RPTOR: variants seen among roughly 807,000 people sequenced by gnomAD.
RPTOR encodes regulatory-associated protein of mTOR.
In RPTOR, 21 loss-of-function variants were observed where a neutral mutation model predicts 169.9. The observed-to-expected ratio is 0.12, with a 90% CI of 0.09 to 0.18. The LOEUF (loss-of-function observed/expected upper bound fraction) is 0.18. Among genes scored for constraint, RPTOR ranks in the 10% least tolerant of loss-of-function variants. The pLI is 1.00. For missense variants in RPTOR, 1,133 were observed against 1,855.9 expected, an observed-to-expected ratio of 0.61 and a Z score of 7.16; for synonymous variants, 732 against 753.2, an observed-to-expected ratio of 0.97 and a Z score of 0.46.
chr17:80,883,983 C>CG lies in RPTOR; in HGVS notation c.1842+16dup. On this transcript the variant is annotated intron_variant, in intron 16 of 33. Transcript: ENST00000306801. ...GACCCCATTCCCGAGGTGAGTCAGG[C>CG]GGGGGCTCAGAGTCCAGTCCTCCTG... The CG allele has an allele frequency of 6.2e-7, 1 of 1,602,700 alleles. No individual in the cohort carries two copies. Among genetic ancestry groups the CG allele is most frequent in the Non-Finnish European group, 8.5e-7 (1 of 1,173,018 alleles).
chr17:80,694,837 A>G (rs1473330269), intron 3 of RPTOR, among the ~76,000 whole-genome samples: 2 of 152,150 alleles, frequency 1.3e-5, no homozygotes, highest in African/African-American at 4.8e-5. Context: ...TCTGGCACTC[A>G]TGGGCATGTT....
intron 24 of RPTOR, among the ~76,000 whole-genome samples, 154 bp downstream of exon 24, chr17:80,925,634 A>G (rs2068803106): frequency 6.6e-6 from 1 of 152,206 alleles, no homozygotes; most frequent in Non-Finnish European, 1.5e-5. Context: ...CGCAGAAGAA[A>G]CAAACTTCAC....
intron 2 of RPTOR, among the ~76,000 whole-genome samples, chr17:80,629,501 A>G (rs77779392): frequency 0.13 from 4,065 of 32,390 alleles, no homozygotes; most frequent in Middle Eastern, 0.22. Flanking sequence ...TTGTACCACA[A>G]CTCTTCTGTG....
At chr17:80,688,449 G>C (rs1296767612) in intron 3 of RPTOR, among the ~76,000 whole-genome samples, 1 of 152,188 alleles carries the variant, frequency 6.6e-6, no homozygotes, top group Non-Finnish European at 1.5e-5. Flanking sequence ...GAAGGTAAAT[G>C]GTTCAGTATT....
At chr17:80,719,827 G>A (rs1598254170) in intron 4 of RPTOR, among the ~76,000 whole-genome samples, 1 of 152,134 alleles carries the variant, frequency 6.6e-6, no homozygotes, top group South Asian at 2.1e-4. Context: ...GTCATTGGTG[G>A]TGGTGTTTTT....
Position 80,634,659 on chromosome 17 carries a change from C to CTG in RPTOR, c.265+8875_265+8876dup, listed in dbSNP as rs755746244. Among the ~76,000 whole-genome samples, 95 of 86,032 alleles carry CTG rather than the reference C, an allele frequency of 1.1e-3. 4 individuals carry two copies. The highest frequency in any genetic ancestry group is 1.9e-3 in the Non-Finnish European group (84 of 43,372). 56.4% of individuals were successfully genotyped at this position (86,032 alleles called of 152,430 possible). On this transcript the variant is annotated intron_variant, in intron 2 of 33. Transcript: ENST00000306801. Reference sequence around the variant, plus strand: ...TGTGTGTGCATACTGTATGTGCGTACTGTGTGTGTGCGTACTGTGTGTGCG... The same window carrying CTG: ...TGTGTGTGCATACTGTATGTGCGTACTGTGTGTGTGTGCGTACTGTGTGTGCG...
chr17:80,854,159 CA>C, intron 11 of RPTOR, among the ~76,000 whole-genome samples: 1 of 152,310 alleles, frequency 6.6e-6, no homozygotes, highest in Non-Finnish European at 1.5e-5. Context: ...CATCAACCTG[CA>C]AAATGTACTC....
At chr17:80,866,706 A>C (rs946995004) in intron 13 of RPTOR, among the ~76,000 whole-genome samples, 2 of 152,124 alleles carry the variant, frequency 1.3e-5, no homozygotes, top group African/African-American at 4.8e-5. Context: ...AATGACACAT[A>C]CCACTCACTG....
intron 29 of RPTOR, among the ~76,000 whole-genome samples, chr17:80,958,520 T>C (rs928728744): frequency 1.3e-5 from 2 of 150,202 alleles, no homozygotes; most frequent in South Asian, 2.1e-4. Context: ...ATGCCATTCT[T>C]CTGCCTCAGC....
intron 12 of RPTOR, among the ~76,000 whole-genome samples, chr17:80,856,876 G>A (rs769620518): frequency 3.3e-5 from 5 of 152,170 alleles, no homozygotes; most frequent in Non-Finnish European, 7.3e-5. Flanking sequence ...GGATAAACGA[G>A]GTATTTTTAC....
At chr17:80,628,121 A>T (rs1440270571) in intron 2 of RPTOR, among the ~76,000 whole-genome samples, 1 of 152,192 alleles carries the variant, frequency 6.6e-6, no homozygotes, top group African/African-American at 2.4e-5. Context: ...TACAGGCATG[A>T]GCCACCGTGC....
chr17:80,625,589 G>C (rs2065386966), intron 1 of RPTOR, 102 bp from the exon 2 acceptor site: 1 of 885,828 alleles, frequency 1.1e-6, no homozygotes, highest in Non-Finnish European at 1.8e-6. Context: ...AGGTGGGTAG[G>C]GAAGGGGCTC....
intron 2 of RPTOR, among the ~76,000 whole-genome samples, chr17:80,642,612 G>A (rs2065562873): frequency 6.6e-6 from 1 of 152,188 alleles, no homozygotes; most frequent in African/African-American, 2.4e-5. Context: ...CACTCAAGGT[G>A]CAGCAAACAG....
chr17:80,754,242 CCCCAACCCAT>C lies in RPTOR; in HGVS notation c.830+58_830+67del. On this transcript the variant is annotated intron_variant, in intron 6 of 33. Coordinates refer to ENST00000306801, the MANE Select transcript of RPTOR (RefSeq NM_020761.3). This position sits in a 1 kb window ranked among gnomAD's most constrained non-coding sequence, Gnocchi z 4.2. ...ACTCAACTGGGCTCTCCCGCAGGGA[CCCCAACCCAT>C]GTGGGCCCCAGGCATTCACCTGGTC... The C allele has an allele frequency of 6.7e-7, 1 of 1,494,146 alleles. No homozygotes were observed. The allele number at this position is 1,494,146 out of a possible 1,614,324, so 92.6% of individuals were successfully genotyped here.
At chr17:80,805,618 T>C (rs1598318029) in intron 7 of RPTOR, 1 of 152,170 alleles carries the variant, frequency 6.6e-6, no homozygotes, top group East Asian at 1.9e-4. Flanking sequence ...GCAGAAGTGC[T>C]TCAAAAATAA....
At chr17:80,952,488 G>A (rs893886503) in intron 28 of RPTOR, among the ~76,000 whole-genome samples, 3 of 152,148 alleles carry the variant, frequency 2.0e-5, no homozygotes, top group African/African-American at 7.2e-5. Context: ...CGTGACCTCC[G>A]CTTGCCCCAG....
intron 11 of RPTOR, among the ~76,000 whole-genome samples, chr17:80,854,233 A>G (rs1049406995): frequency 6.6e-6 from 1 of 152,216 alleles, no homozygotes; most frequent in African/African-American, 2.4e-5. Flanking sequence ...TTGGCTAATA[A>G]TAGTGTAATA....
At chr17:80,877,295 C>T (rs1451658262) in intron 13 of RPTOR, among the ~76,000 whole-genome samples, 9 of 152,070 alleles carry the variant, frequency 5.9e-5, no homozygotes. Context: ...AGGGTGGGGG[C>T]GGTTTGAGTT....
At chr17:80,576,381 T>C (rs2064963485) in intron 1 of RPTOR, among the ~76,000 whole-genome samples, 2 of 152,236 alleles carry the variant, frequency 1.3e-5, no homozygotes, top group Non-Finnish European at 2.9e-5. Context: ...CTGAAAAAAG[T>C]ACAACGTCCG....
Sources: allele counts gnomAD v4.1 joint callset (sites outside exome capture counted in the v4.1 genomes callset), GRCh38; gene constraint gnomAD v4.1.1; non-coding constraint Gnocchi (gnomAD v3.1); transcripts MANE v1.5; gene names NCBI Gene and HGNC (gene_info 2026-07-23, HGNC 2026-07-21).